The following PANK1 variants were observed in gnomAD, a reference collection of about 807,000 sequenced individuals.
PANK1 encodes the protein pantothenate kinase 1.
PANK1 carries 18 observed loss-of-function variants against 40.1 expected under a neutral mutation model. The observed-to-expected ratio is 0.45, with a 90% CI of 0.31 to 0.67. The LOEUF is 0.67. Ranked by LOEUF, PANK1 falls within the 30% of genes least tolerant of loss-of-function variation. The probability of loss-of-function intolerance (pLI) is 0.06; values close to 1 mark genes in which losing one functional copy is unlikely to be tolerated. For synonymous variants in PANK1, 242 were observed against 237.7 expected (o/e 1.02, Z -0.17); for missense variants, 457 against 599.6 (o/e 0.76, Z 2.48).
chr10:89,598,779 G>A (rs2133941260), intron 3 of PANK1, among the ~76,000 whole-genome samples: 2 of 150,698 alleles, frequency 1.3e-5, no homozygotes, highest in South Asian at 4.2e-4. Context: ...TTTTCAGGTG[G>A]AGCATTTGGC....
rs753241481 is a variant in PANK1, at chr10:89,599,391, G to A, written c.760C>T (p.Pro254Ser). ...TTTTGACACAATTCAGGATTTGTGGGATTTTCAAAATAGTAACATTCTGGC... is the reference window on the plus strand; with the variant it reads ...TTTTGACACAATTCAGGATTTGTGGAATTTTCAAAATAGTAACATTCTGGC... ...GKPECYYFEN[P>S]TNPELCQKKP... The change falls in exon 3 of 7, where the codon CCC (proline) becomes TCC (serine). Residue 254 changes from proline to serine, a missense_variant. Physicochemically the swap from Pro to Ser is moderately conservative, Grantham distance 74. Coordinates refer to ENST00000307534, the MANE Select transcript of PANK1 (RefSeq NM_148977.3). 3 of 1,614,106 alleles carry A rather than the reference G, an allele frequency of 1.9e-6. No individual in the cohort carries two copies. The highest frequency in any genetic ancestry group is 2.5e-6 in the Non-Finnish European group (3 of 1,179,966).
In PANK1 at chr10:89,584,525, A is replaced by T. The variant is rs1353263060; in HGVS notation, c.1327-60T>A. 3.5e-6 allele frequency: 4 copies of T among 1,131,390 alleles called. No individual in the cohort carries two copies. In the African/African-American group the frequency reaches 4.6e-5, roughly 13 times the overall value. The allele number at this position is 1,131,390 out of a possible 1,614,324, so 70.1% of individuals were successfully genotyped here. A position where few individuals can be genotyped will look rare whatever the true frequency, so the allele number is the denominator to read the frequency against. ...CTTAGCCAAATATGTATTGTTTTTA[A>T]TAATTCTAGGAATGCCACTAATATC... is the stretch of plus-strand genomic sequence containing the variant. On this transcript the variant is annotated intron_variant, in intron 6 of 6. Coordinates refer to ENST00000307534, the MANE Select transcript of PANK1 (RefSeq NM_148977.3).
intron 1 of PANK1, among the ~76,000 whole-genome samples, chr10:89,630,721 T>C (rs1251386229): frequency 1.3e-5 from 2 of 152,240 alleles, no homozygotes; most frequent in Non-Finnish European, 2.9e-5. Flanking sequence ...CTCGATCTCC[T>C]GACCTCGTGA....
intron 1 of PANK1, among the ~76,000 whole-genome samples, chr10:89,614,658 G>A (rs1037288753): frequency 1.2e-4 from 19 of 152,070 alleles, no homozygotes; most frequent in African/African-American, 4.6e-4. Context: ...TTAGCCAGGT[G>A]TGGTGGTGCA....
intron 1 of PANK1, among the ~76,000 whole-genome samples, chr10:89,631,394 G>A (rs548833822): frequency 1.3e-5 from 2 of 152,246 alleles, no homozygotes; most frequent in Admixed American, 6.5e-5. Context: ...TCTAAAGATT[G>A]CCTGAAATTA....
In PANK1 at chr10:89,617,112, T is replaced by C. The variant is rs997134365; in HGVS notation, c.293-5064A>G. Among the ~76,000 whole-genome samples the C allele has an allele frequency of 8.5e-5, 13 of 152,224 alleles. No individual in the cohort carries two copies. In the South Asian group the frequency reaches 2.7e-3, roughly 32 times the overall value. On this transcript the variant is annotated intron_variant, in intron 1 of 6. Transcript: ENST00000307534. ...GGTAACCCACAATGAACATAGAGCA[T>C]AAGCACAAAAGAAACCTTTGTTCTT...
At chr10:89,641,969 C>T (rs2133038684) in intron 1 of PANK1, among the ~76,000 whole-genome samples, 1 of 152,118 alleles carries the variant, frequency 6.6e-6, no homozygotes, top group African/African-American at 2.4e-5. Context: ...GACTTGGTAA[C>T]TTGGTTAAGA....
At chr10:89,607,401 C>T (rs778320200) in intron 2 of PANK1, among the ~76,000 whole-genome samples, 10 of 152,134 alleles carry the variant, frequency 6.6e-5, no homozygotes, top group Non-Finnish European at 1.3e-4. Context: ...AAAACAATTA[C>T]AATAGTGACA....
chr10:89,605,119 T>A (rs1844918616), intron 2 of PANK1, among the ~76,000 whole-genome samples: 1 of 151,210 alleles, frequency 6.6e-6, no homozygotes, highest in Non-Finnish European at 1.5e-5. Context: ...TGCTAAAAAA[T>A]GCGAATCATC....
At chr10:89,635,309 T>TG (rs1217620329) in intron 1 of PANK1, among the ~76,000 whole-genome samples, 1 of 152,152 alleles carries the variant, frequency 6.6e-6, no homozygotes, top group Non-Finnish European at 1.5e-5. Context: ...AGGCCAAGAT[T>TG]GGGGGGCTGC....
chr10:89,585,536 C>T (rs1291535005), intron 6 of PANK1, among the ~76,000 whole-genome samples: 1 of 152,150 alleles, frequency 6.6e-6, no homozygotes, highest in Non-Finnish European at 1.5e-5. Flanking sequence ...ATTGAGGCCC[C>T]ACTAATGCTA....
chr10:89,631,977 T>TGTGTGTGTGTGTG (rs769932277), intron 1 of PANK1, among the ~76,000 whole-genome samples: 7 of 16,368 alleles, frequency 4.3e-4, no homozygotes, highest in South Asian at 3.0e-3. Flanking sequence ...TGTGTGTGTG[T>TGTGTGTGTGTGTG]TTTTTTTTTT....
intron 5 of PANK1, among the ~76,000 whole-genome samples, chr10:89,591,982 C>G (rs2065910621): frequency 6.6e-6 from 1 of 152,124 alleles, no homozygotes; most frequent in South Asian, 2.1e-4. Flanking sequence ...ATGAGTACAG[C>G]CAACTACACA....
At chr10:89,633,531 A>AT (rs1564637284) in intron 1 of PANK1, among the ~76,000 whole-genome samples, 16 of 122,878 alleles carry the variant, frequency 1.3e-4, no homozygotes, top group Admixed American at 5.8e-4. Context: ...ACAGCCCTTT[A>AT]ATTTTTTTTT....
chr10:89,620,331 A>G (rs1205241331), intron 1 of PANK1, among the ~76,000 whole-genome samples: 3 of 152,254 alleles, frequency 2.0e-5, no homozygotes, highest in Non-Finnish European at 4.4e-5. Flanking sequence ...TAGGAGAAAT[A>G]TCACTGAATT....
chr10:89,590,596 G>A (rs911938919), intron 5 of PANK1, among the ~76,000 whole-genome samples: 1 of 152,048 alleles, frequency 6.6e-6, no homozygotes, highest in Non-Finnish European at 1.5e-5. Flanking sequence ...ATACATGTGT[G>A]TACATATATG....
chr10:89,597,085 T>C (rs1202397827), intron 3 of PANK1, among the ~76,000 whole-genome samples: 1 of 152,154 alleles, frequency 6.6e-6, no homozygotes, highest in Non-Finnish European at 1.5e-5. Context: ...ATCTTTAATG[T>C]TTAATGGGAA....
At position 89,644,662 on chromosome 10, in the gene PANK1, T is replaced by G. The variant is rs761905218; in HGVS notation, c.230A>C (p.Asp77Ala). The G allele has an allele frequency of 2.5e-6, 4 of 1,574,822 alleles. No individual in the cohort carries two copies. The highest frequency in any genetic ancestry group is 2.6e-6 in the Non-Finnish European group (3 of 1,166,522). Residue 77 changes from aspartate (D) to alanine (A), a missense_variant, in exon 1 of 7, where the codon GAC (aspartate) becomes GCC (alanine). Physicochemically the swap from Asp to Ala is moderately radical, Grantham distance 126. Around this residue, in one of 4 missense-constraint regions of PANK1, gnomAD observed 144 missense variants for 131.2 expected, o/e 1.10. Coordinates refer to ENST00000307534, the MANE Select transcript of PANK1 (RefSeq NM_148977.3). ...LQPQPLLPQHDSPAKKCRLRR... is the reference protein window; with the variant it reads ...LQPQPLLPQHASPAKKCRLRR... ...CAGCCGGCATTTCTTGGCCGGGGAG[T>G]CATGCTGAGGGAGCAGTGGCTGCGG...
intron 1 of PANK1, chr10:89,626,305 T>C (rs1845660884): frequency 1.6e-5 from 1 of 63,156 alleles, no homozygotes; most frequent in Non-Finnish European, 4.2e-5. Flanking sequence ...TCCTCAGCAT[T>C]TTTTTTTTTT....
Sources: allele counts gnomAD v4.1 joint callset (sites outside exome capture counted in the v4.1 genomes callset), GRCh38; gene constraint gnomAD v4.1.1; regional missense constraint gnomAD v4.1.1; transcripts MANE v1.5; gene names NCBI Gene and HGNC (gene_info 2026-07-23, HGNC 2026-07-21).